NEDD4L: variants seen among roughly 807,000 people sequenced by gnomAD.
NEDD4L encodes the protein NEDD4 like E3 ubiquitin protein ligase, also known as E3 ubiquitin-protein ligase NEDD4-like.
In NEDD4L, 54 loss-of-function variants were observed where a neutral mutation model predicts 148.9. That is an observed-to-expected ratio of 0.36 (90% CI 0.29 to 0.45). The LOEUF (loss-of-function observed/expected upper bound fraction) is 0.45, where lower values mean the gene tolerates loss of function less well. Ranked by LOEUF, NEDD4L falls within the 20% of genes least tolerant of loss-of-function variation. The probability of loss-of-function intolerance (pLI) is 1.00; values close to 1 mark genes in which losing one functional copy is unlikely to be tolerated. For synonymous variants in NEDD4L, 433 were observed against 440.7 expected (o/e 0.98, Z 0.22); for missense variants, 856 against 1,233.8 (o/e 0.69, Z 4.59).
In NEDD4L at chr18:58,335,517, A is replaced by T; in HGVS notation, c.1105A>T (p.Thr369Ser). The change falls in exon 13 of 31, where the codon ACG (threonine) becomes TCG (serine). Residue 369 changes from threonine (T) to serine (S), a missense_variant. Coordinates refer to ENST00000400345, the MANE Select transcript of NEDD4L (RefSeq NM_001144967.3). The part of the protein sequence containing the change: ...PAGRARSSTV[T>S]GGEEPTPSVA... ...TGGGAGAGCGCGTTCATCAACTGTC[A>T]CGGGTGGTGAGGAACCAACGGTAAT... 1 of 1,613,574 alleles carries T rather than the reference A, an allele frequency of 6.2e-7. No individual in the cohort carries two copies. Among genetic ancestry groups the T allele is most frequent in the Non-Finnish European group, 8.5e-7 (1 of 1,179,534 alleles).
rs202058050 is a variant in NEDD4L at position 58,244,666 on chromosome 18, TG to T, written c.123-760del. Among the ~76,000 whole-genome samples the T allele has an allele frequency of 4.1e-3, 628 of 152,048 alleles. 3 individuals carry two copies. The highest frequency in any genetic ancestry group is 0.015 in the African/African-American group (605 of 41,348). On this transcript the variant is annotated intron_variant, in intron 2 of 30. Transcript: ENST00000400345. ...AGTTTTCTAGGGTTTTGTTTTGATT[TG>T]TTTTTTTATGTTTTTGTTTTTGTCT...
In NEDD4L at chr18:58,126,165, A is replaced by G. The variant is rs529362479; in HGVS notation, c.49-39623A>G. On this transcript the variant is annotated intron_variant, in intron 1 of 30. Transcript: ENST00000400345. Reference sequence around the variant, plus strand: ...AATTCACATCTCTTACAATTCACCCATTTAATGGGTGATGCAATGCGGTGG... The same window carrying G: ...AATTCACATCTCTTACAATTCACCCGTTTAATGGGTGATGCAATGCGGTGG... Among the ~76,000 whole-genome samples the G allele has an allele frequency of 7.9e-5, 12 of 152,354 alleles. No individual in the cohort carries two copies. In the East Asian group the frequency reaches 2.3e-3, roughly 29 times the overall value.
At chr18:58,310,195 G>A (rs1048355015) in intron 5 of NEDD4L, among the ~76,000 whole-genome samples, 1 of 152,222 alleles carries the variant, frequency 6.6e-6, no homozygotes, top group Non-Finnish European at 1.5e-5. Flanking sequence ...CCTGGGGCCT[G>A]TAAAAGTCCT....
At chr18:58,092,853 C>T (rs1231069981) in intron 1 of NEDD4L, among the ~76,000 whole-genome samples, 2 of 147,824 alleles carry the variant, frequency 1.4e-5, no homozygotes, top group Admixed American at 6.8e-5. Flanking sequence ...CTCCCTCTCT[C>T]TCTTTTTTTT....
Position 58,245,738 on chromosome 18 carries a change from T to C in NEDD4L, c.204+230T>C, listed in dbSNP as rs933377593. On this transcript the variant is annotated intron_variant, in intron 3 of 30. Transcript: ENST00000400345. ...CTCTGTCGCCCAGGCTGGAGTGCAA[T>C]GGCATGTTCTCAGCTCACTGCACCC... is the stretch of plus-strand genomic sequence containing the variant. 6.2e-5 allele frequency among the ~76,000 whole-genome samples: 9 copies of C among 145,544 alleles called. No individual in the cohort carries two copies. In the Admixed American group the frequency reaches 6.5e-4, roughly 11 times the overall value.
intron 1 of NEDD4L, among the ~76,000 whole-genome samples, chr18:58,105,409 G>A (rs879854407): frequency 6.6e-6 from 1 of 152,312 alleles, no homozygotes; most frequent in Admixed American, 6.5e-5. Flanking sequence ...GGGAGGGTAG[G>A]GGAGTGTGCC....
At chr18:58,261,886 A>G (rs1346176776) in intron 5 of NEDD4L, among the ~76,000 whole-genome samples, 5 of 152,214 alleles carry the variant, frequency 3.3e-5, no homozygotes, top group African/African-American at 1.2e-4. Flanking sequence ...AGCCATTTGC[A>G]AGAATGGGAA....
intron 5 of NEDD4L, among the ~76,000 whole-genome samples, chr18:58,276,804 C>T (rs377292387): frequency 7.6e-4 from 115 of 151,872 alleles, no homozygotes; most frequent in African/African-American, 2.4e-3. Flanking sequence ...TAAGGAAAGC[C>T]GCATGATGCC....
chr18:58,137,944 G>A (rs1293261599), intron 1 of NEDD4L, among the ~76,000 whole-genome samples: 1 of 152,110 alleles, frequency 6.6e-6, no homozygotes, highest in Non-Finnish European at 1.5e-5. Flanking sequence ...TTTTCAGTGT[G>A]CTCAGACCCA....
rs567552238 is a variant in NEDD4L, at chr18:58,314,232, C to T, written c.298-1750C>T. ...AGATGTTCGAGACCAGCCTGGCCAA[C>T]GTGGTGAAACCCCATCTCTGCTAAA... On this transcript the variant is annotated intron_variant, in intron 5 of 30. Transcript: ENST00000400345. Among the ~76,000 whole-genome samples the T allele has an allele frequency of 2.5e-3, 381 of 152,148 alleles. 5 individuals carry two copies. The highest frequency in any genetic ancestry group is 9.8e-3 in the South Asian group (47 of 4,812).
At chr18:58,082,647 A>G (rs533892923) in intron 1 of NEDD4L, among the ~76,000 whole-genome samples, 11 of 151,614 alleles carry the variant, frequency 7.3e-5, no homozygotes, top group African/African-American at 2.4e-4. Flanking sequence ...TGGTGCATAC[A>G]TGTAGTCCCA....
intron 29 of NEDD4L, 147 bp from the exon 30 acceptor site, chr18:58,391,340 A>G: frequency 1.5e-6 from 1 of 679,780 alleles, no homozygotes; most frequent in Non-Finnish European, 2.7e-6. Context: ...TCAACATTAA[A>G]TATCAATGTT....
intron 2 of NEDD4L, among the ~76,000 whole-genome samples, chr18:58,173,687 C>A (rs972540296): frequency 2.6e-5 from 4 of 152,110 alleles, no homozygotes; most frequent in African/African-American, 9.7e-5. Flanking sequence ...GACATCATGA[C>A]GTTTAGTTCC....
intron 1 of NEDD4L, among the ~76,000 whole-genome samples, chr18:58,067,257 C>A (rs2082645720): frequency 6.6e-6 from 1 of 152,062 alleles, no homozygotes; most frequent in Non-Finnish European, 1.5e-5. Context: ...GGATAAAAGT[C>A]CAAATTCAAA....
chr18:58,379,980 A>G (rs1269760446), intron 24 of NEDD4L, among the ~76,000 whole-genome samples: 3 of 152,220 alleles, frequency 2.0e-5, no homozygotes, highest in African/African-American at 7.2e-5. Flanking sequence ...AGAATCAACC[A>G]TGAGACTTGA....
At chr18:58,136,724 T>C (rs980599441) in intron 1 of NEDD4L, among the ~76,000 whole-genome samples, 2 of 152,210 alleles carry the variant, frequency 1.3e-5, no homozygotes, top group Non-Finnish European at 2.9e-5. Context: ...ATCTTGGGAT[T>C]GAGAGGAGTT....
intron 2 of NEDD4L, among the ~76,000 whole-genome samples, chr18:58,175,862 G>A (rs1306285208): frequency 6.6e-6 from 1 of 152,126 alleles, no homozygotes; most frequent in Non-Finnish European, 1.5e-5. Context: ...TGCATGCAAC[G>A]TCCTTTAAAA....
intron 1 of NEDD4L, among the ~76,000 whole-genome samples, chr18:58,072,456 T>C (rs1273499736): frequency 1.3e-5 from 2 of 152,202 alleles, no homozygotes; most frequent in Admixed American, 1.3e-4. Context: ...TAATCTGTCA[T>C]GTTAATAGAA....
At chr18:58,208,472 G>C (rs1298548378) in intron 2 of NEDD4L, among the ~76,000 whole-genome samples, 1 of 152,180 alleles carries the variant, frequency 6.6e-6, no homozygotes, top group African/African-American at 2.4e-5. Context: ...TGAATTAGTA[G>C]AGCATAAATG....
Sources: gnomAD v4.1 joint callset for allele counts (sites outside exome capture counted in the v4.1 genomes callset) on GRCh38, gnomAD v4.1.1 for gene constraint, MANE v1.5 for transcripts, NCBI Gene and HGNC (gene_info 2026-07-23, HGNC 2026-07-21) for gene names.